GRIN2A: variants seen among roughly 807,000 people sequenced by gnomAD.
GRIN2A encodes the protein glutamate ionotropic receptor NMDA type subunit 2A, also known as glutamate receptor ionotropic, NMDA 2A.
GRIN2A carries 22 observed loss-of-function variants against 113.4 expected under a neutral mutation model. That is an observed-to-expected ratio of 0.19 (90% CI 0.14 to 0.28). The LOEUF is 0.28. Ranked by LOEUF, GRIN2A falls within the 10% of genes least tolerant of loss-of-function variation. The pLI is 1.00. For synonymous variants in GRIN2A, 827 were observed against 738.4 expected (o/e 1.12, Z -1.94); for missense variants, 1,502 against 1,887.0 (o/e 0.80, Z 3.78).
chr16:9,765,805 A>G (rs994733227), intron 12 of GRIN2A, among the ~76,000 whole-genome samples: 3 of 152,228 alleles, frequency 2.0e-5, no homozygotes, highest in Non-Finnish European at 2.9e-5. Context: ...TACTAGTCAC[A>G]GTGAAGAGTT....
chr16:9,892,783 C>T (rs532466122), intron 3 of GRIN2A, among the ~76,000 whole-genome samples: 94 of 152,106 alleles, frequency 6.2e-4, no homozygotes, highest in South Asian at 1.0e-3. Flanking sequence ...AATGTGATGT[C>T]GTTAAAGACA....
At chr16:10,042,561 GC>G (rs1262374093) in intron 2 of GRIN2A, among the ~76,000 whole-genome samples, 1 of 152,138 alleles carries the variant, frequency 6.6e-6, no homozygotes, top group African/African-American at 2.4e-5. Flanking sequence ...CAACTAAGTT[GC>G]TCCCGAATAT....
intron 7 of GRIN2A, among the ~76,000 whole-genome samples, chr16:9,836,155 C>T (rs1214930378): frequency 6.6e-6 from 1 of 152,082 alleles, no homozygotes; most frequent in Non-Finnish European, 1.5e-5. Flanking sequence ...CTCCGAGTTG[C>T]GTAGTGTGTC....
chr16:9,920,800 G>A (rs1338591060), intron 3 of GRIN2A, among the ~76,000 whole-genome samples: 1 of 152,070 alleles, frequency 6.6e-6, no homozygotes, highest in Non-Finnish European at 1.5e-5. Context: ...TGATCCCCCT[G>A]CCTCGGCCTC....
At chr16:10,104,715 C>G (rs943664717) in intron 2 of GRIN2A, among the ~76,000 whole-genome samples, 1 of 152,044 alleles carries the variant, frequency 6.6e-6, no homozygotes, top group African/African-American at 2.4e-5. Context: ...CAAAGCATAC[C>G]GAAAAATAAA....
chr16:9,829,049 A>C (rs57737875), intron 9 of GRIN2A, among the ~76,000 whole-genome samples: 1 of 152,138 alleles, frequency 6.6e-6, no homozygotes, highest in Non-Finnish European at 1.5e-5. Flanking sequence ...CTTCACCCCA[A>C]TTTCTTCTCA....
rs74008859 is a variant in GRIN2A, at chr16:9,886,563, C to T, written c.1122+4423G>A. Among the ~76,000 whole-genome samples, 1,326 of 152,182 alleles carry T rather than the reference C, an allele frequency of 8.7e-3. 24 individuals carry two copies. The highest frequency in any genetic ancestry group is 0.03 in the African/African-American group (1,259 of 41,510). On this transcript the variant is annotated intron_variant, in intron 4 of 12. Transcript: ENST00000330684. ...TGACAGAAGCCCATAGAATCCCAGCCGACTCCATCTCCATATACACACTAA... is the reference window on the plus strand; with the variant it reads ...TGACAGAAGCCCATAGAATCCCAGCTGACTCCATCTCCATATACACACTAA...
In GRIN2A at chr16:9,897,516, G is replaced by C. The variant is rs538899753; in HGVS notation, c.1008-6416C>G. ...AACCACGTGTAGCTATTGAGCATTT[G>C]AAATGTGGTTAGTCTGAATTGAAAT... is the stretch of plus-strand genomic sequence containing the variant. On this transcript the variant is annotated intron_variant, in intron 3 of 12. Coordinates refer to ENST00000330684, the MANE Select transcript of GRIN2A (RefSeq NM_001134407.3). Among the ~76,000 whole-genome samples, 3 of 152,308 alleles carry C rather than the reference G, an allele frequency of 2.0e-5. No individual in the cohort carries two copies. The East Asian group carries it at 5.8e-4, about 29-fold the overall frequency.
chr16:9,804,820 C>G (rs1272601265), intron 10 of GRIN2A, among the ~76,000 whole-genome samples: 1 of 152,162 alleles, frequency 6.6e-6, no homozygotes, highest in Admixed American at 6.5e-5. Flanking sequence ...GTGCCATTAC[C>G]TTCTCCATCA....
rs373556420 is a variant in GRIN2A at position 10,124,607 on chromosome 16, G to T, written c.414+55391C>A. ...ACAAGAGGTTTTTCCAGGTGGTCCAGGTGAGACGGAGCTGGGAGATGGCAG... is the reference window on the plus strand; with the variant it reads ...ACAAGAGGTTTTTCCAGGTGGTCCATGTGAGACGGAGCTGGGAGATGGCAG... On this transcript the variant is annotated intron_variant, in intron 2 of 12. Coordinates refer to ENST00000330684, the MANE Select transcript of GRIN2A (RefSeq NM_001134407.3). Among the ~76,000 whole-genome samples, 28 of 152,288 alleles carry T rather than the reference G, an allele frequency of 1.8e-4. No homozygotes were observed. In the South Asian group the frequency reaches 5.6e-3, roughly 30 times the overall value.
chr16:9,761,067 C>A lies in GRIN2A; in HGVS notation c.*2082G>T, dbSNP rs1027045520. 2.6e-5 allele frequency: 6 copies of A among 232,692 alleles called. No homozygotes were observed. The highest frequency in any genetic ancestry group is 5.1e-5 in the Non-Finnish European group (6 of 117,742). 14.4% of individuals were successfully genotyped at this position (232,692 alleles called of 1,614,324 possible). On this transcript the variant is annotated 3_prime_UTR_variant, in exon 13 of 13. Transcript: ENST00000330684. ...ACATGCATCCCCAGCACCTAGTCAG[C>A]CCCTTCTGCCTTTCAAAAATGAAAG...
chr16:10,135,664 G>A (rs539153636), intron 2 of GRIN2A, among the ~76,000 whole-genome samples: 1 of 152,278 alleles, frequency 6.6e-6, no homozygotes, highest in South Asian at 2.1e-4. Context: ...ATGATTGTGG[G>A]GAATGGGTAG....
rs57545330 is a variant in GRIN2A, at chr16:9,842,951, AAGAG to A, written c.1329-1851_1329-1848del. Among the ~76,000 whole-genome samples, 296 of 145,232 alleles carry A rather than the reference AAGAG, an allele frequency of 2.0e-3. 1 individual carries two copies. The highest frequency in any genetic ancestry group is 2.9e-3 in the Non-Finnish European group (191 of 66,662). ...GTCGAGAGAAAGAGAGAAAGAAAGAAAGAGAGAGAGAGAGAGAGAGGAAGAAAGA... is the reference window on the plus strand; with the variant it reads ...GTCGAGAGAAAGAGAGAAAGAAAGAAAGAGAGAGAGAGAGAGGAAGAAAGA... On this transcript the variant is annotated intron_variant, in intron 5 of 12. Coordinates refer to ENST00000330684, the MANE Select transcript of GRIN2A (RefSeq NM_001134407.3).
chr16:9,768,763 A>G, intron 12 of GRIN2A, 88 bp downstream of exon 12: 1 of 865,308 alleles, frequency 1.2e-6, no homozygotes, highest in East Asian at 2.4e-5. Context: ...TAAGGGGAGG[A>G]AGTGCAGACC....
intron 11 of GRIN2A, among the ~76,000 whole-genome samples, chr16:9,779,178 C>A (rs1319116706): frequency 2.0e-5 from 3 of 152,222 alleles, no homozygotes; most frequent in Admixed American, 6.5e-5. Flanking sequence ...GGAGCCTGGT[C>A]TCCCAGGTTG....
At chr16:9,994,995 T>C (rs1230032282) in intron 2 of GRIN2A, among the ~76,000 whole-genome samples, 1 of 152,066 alleles carries the variant, frequency 6.6e-6, no homozygotes, top group Non-Finnish European at 1.5e-5. Context: ...ACTGACTCGG[T>C]CAAACAGACA....
At chr16:10,062,807 G>A (rs2047570869) in intron 2 of GRIN2A, among the ~76,000 whole-genome samples, 1 of 151,976 alleles carries the variant, frequency 6.6e-6, no homozygotes, top group Non-Finnish European at 1.5e-5. Context: ...AGAGGTTGCT[G>A]TGAGCAGAGA....
rs970178745 is a variant in GRIN2A, at chr16:10,034,803, A to G, written c.415-96252T>C. Among the ~76,000 whole-genome samples, 3 of 152,156 alleles carry G rather than the reference A, an allele frequency of 2.0e-5. No individual in the cohort carries two copies. In the South Asian group the frequency reaches 6.2e-4, roughly 32 times the overall value. ...ATCTCAAGAACCACTAGGACTTTGC[A>G]TTTTCAGAAAGCATGGTTGACTGTC... On this transcript the variant is annotated intron_variant, in intron 2 of 12. Transcript: ENST00000330684.
At chr16:9,802,002 T>C (rs1321292511) in intron 10 of GRIN2A, among the ~76,000 whole-genome samples, 1 of 152,190 alleles carries the variant, frequency 6.6e-6, no homozygotes, top group Non-Finnish European at 1.5e-5. Context: ...CCCAGAGAGA[T>C]GGTCATTGTC....
Sources: allele counts gnomAD v4.1 joint callset (sites outside exome capture counted in the v4.1 genomes callset), GRCh38; gene constraint gnomAD v4.1.1; transcripts MANE v1.5; gene names NCBI Gene and HGNC (gene_info 2026-07-23, HGNC 2026-07-21).